ZZEF1: variants seen among roughly 807,000 people sequenced by gnomAD.
The protein encoded by ZZEF1 is zinc finger ZZ-type and EF-hand domain-containing protein 1.
A neutral mutation model predicts 342.8 loss-of-function variants in ZZEF1; 157 were observed. The observed-to-expected ratio is 0.46, with a 90% CI of 0.40 to 0.52. ZZEF1 has a LOEUF of 0.52. Ranked by LOEUF, ZZEF1 falls within the 20% of genes least tolerant of loss-of-function variation. The pLI, the probability that ZZEF1 is intolerant of heterozygous loss-of-function variation, is 0.00. For synonymous variants in ZZEF1, 1,505 were observed against 1,429.1 expected (o/e 1.05, Z -1.20); for missense variants, 3,480 against 3,725.6 (o/e 0.93, Z 1.72).
chr17:4,036,078 CAAA>C (rs34564566), intron 39 of ZZEF1, among the ~76,000 whole-genome samples: 3 of 92,742 alleles, frequency 3.2e-5, no homozygotes, highest in Non-Finnish European at 4.9e-5. Flanking sequence ...ACAGCCTGTC[CAAA>C]AAAAAAAAAA....
In ZZEF1 at chr17:4,117,122, G is replaced by A; in HGVS notation, c.544C>T (p.His182Tyr). 1 of 1,613,986 alleles carries A rather than the reference G, an allele frequency of 6.2e-7. No individual in the cohort carries two copies. The highest frequency in any genetic ancestry group is 1.3e-5 in the African/African-American group (1 of 75,052). The change falls in exon 3 of 55, where the codon CAC (histidine) becomes TAC (tyrosine). Residue 182 changes from histidine to tyrosine, a missense_variant. Physicochemically the swap from His to Tyr is moderately conservative, Grantham distance 83. This residue lies in a region of ZZEF1 where 416 missense variants were observed against 374.2 expected (regional missense o/e 1.11). Coordinates refer to ENST00000381638, the MANE Select transcript of ZZEF1 (RefSeq NM_015113.4). Reference sequence around the variant, plus strand: ...AGGAAGCGCAGTATCATTGACGAGTGAATATCAAGGCCCTCCTTCGACTCT... The same window carrying A: ...AGGAAGCGCAGTATCATTGACGAGTAAATATCAAGGCCCTCCTTCGACTCT... Reference protein sequence around the residue: ...FSESKEGLDIHSSMILRFLHR... With the variant: ...FSESKEGLDIYSSMILRFLHR...
intron 30 of ZZEF1, among the ~76,000 whole-genome samples, chr17:4,061,937 A>C (rs1175024336): frequency 6.6e-6 from 1 of 152,176 alleles, no homozygotes; most frequent in Non-Finnish European, 1.5e-5. Context: ...TATAAATATA[A>C]AACAAAGTGT....
chr17:4,049,171 A>G (rs2056991536), intron 37 of ZZEF1, among the ~76,000 whole-genome samples: 1 of 152,302 alleles, frequency 6.6e-6, no homozygotes, highest in Non-Finnish European at 1.5e-5. Flanking sequence ...ACTCCTCACA[A>G]TAAGCCTATG....
rs977281546 is a variant in ZZEF1, at chr17:4,117,444, G to A, written c.500-278C>T. On this transcript the variant is annotated intron_variant, in intron 2 of 54. Transcript: ENST00000381638. ...ACGGATGACCTGAGGTCAAGAGTTCGATATCAGCCTGGCCAACATGGTGAA... is the reference window on the plus strand; with the variant it reads ...ACGGATGACCTGAGGTCAAGAGTTCAATATCAGCCTGGCCAACATGGTGAA... 2.6e-5 allele frequency among the ~76,000 whole-genome samples: 4 copies of A among 152,160 alleles called. 1 individual carries two copies. The highest frequency in any genetic ancestry group is 6.8e-3 in the Middle Eastern group (2 of 294).
chr17:4,092,088 A>ATAATAAT (rs202163554), intron 11 of ZZEF1, among the ~76,000 whole-genome samples: 1 of 144,950 alleles, frequency 6.9e-6, no homozygotes, highest in Non-Finnish European at 1.5e-5. Context: ...AAAAAAAAAA[A>ATAATAAT]AATAATAAAA....
rs2144959708 is a variant in ZZEF1 at position 4,017,526 on chromosome 17, C to T, written c.7846G>A (p.Val2616Ile). 1 of 1,614,268 alleles carries T rather than the reference C, an allele frequency of 6.2e-7. No individual in the cohort carries two copies. The highest frequency in any genetic ancestry group is 1.6e-4 in the Middle Eastern group (1 of 6,062). Residue 2616 changes from valine (V) to isoleucine (I), a missense_variant, in exon 48 of 55, where the codon GTC becomes ATC. Coordinates refer to ENST00000381638, the MANE Select transcript of ZZEF1 (RefSeq NM_015113.4). The surrounding 1 kb of genome is among the most constrained non-coding windows in gnomAD (Gnocchi z 5.1). ...YLFRVNEATA[V>I]LYARHVLASL... ...GCAAGCACGTGGCGGGCGTACAGGA[C>T]AGCTGTGGCCTCGTTCACTCGGAAG...
Position 4,008,776 on chromosome 17 carries a change from G to A in ZZEF1, c.8805+107C>T, listed in dbSNP as rs1479236150. ...AACAAGCTCTGTGTAAGCTCCGGGT[G>A]GATTCTGTCCTACTCAGACGCAATG... On this transcript the variant is annotated intron_variant, in intron 54 of 54. Coordinates refer to ENST00000381638, the MANE Select transcript of ZZEF1 (RefSeq NM_015113.4). The surrounding 1 kb of genome is among the most constrained non-coding windows in gnomAD (Gnocchi z 4.2). 4 of 1,475,438 alleles carry A rather than the reference G, an allele frequency of 2.7e-6. No individual in the cohort carries two copies. The highest frequency in any genetic ancestry group is 3.6e-6 in the Non-Finnish European group (4 of 1,110,048). The allele number at this position is 1,475,438 out of a possible 1,614,324, so 91.4% of individuals were successfully genotyped here. A position where few individuals can be genotyped will look rare whatever the true frequency, so the allele number is the denominator to read the frequency against.
chr17:4,132,368 G>C (rs574677863), intron 1 of ZZEF1, among the ~76,000 whole-genome samples: 2 of 151,978 alleles, frequency 1.3e-5, no homozygotes, highest in Admixed American at 6.6e-5. Flanking sequence ...ATTTTTCCTA[G>C]AGCTGGGGTT....
intron 18 of ZZEF1, among the ~76,000 whole-genome samples, chr17:4,079,193 C>G (rs972046539): frequency 6.6e-6 from 1 of 152,212 alleles, no homozygotes; most frequent in East Asian, 1.9e-4. Context: ...CAAACAGCCC[C>G]GGTTTCAGTC....
chr17:4,075,571 A>C (rs1363321204), intron 21 of ZZEF1, 142 bp from the exon 22 acceptor site: 6 of 825,748 alleles, frequency 7.3e-6, no homozygotes, highest in Non-Finnish European at 1.1e-5. Context: ...TCGAAGACAA[A>C]CCTGACATTC....
rs572331587 is a variant in ZZEF1 at position 4,045,702 on chromosome 17, C to CA, written c.6016-1329dup. ...TTAACATGGAAGGTGTACATAAAGCCAACCACACATGTCACTTGATCAAAC... is the reference window on the plus strand; with the variant it reads ...TTAACATGGAAGGTGTACATAAAGCCAAACCACACATGTCACTTGATCAAAC... On this transcript the variant is annotated intron_variant, in intron 37 of 54. Transcript: ENST00000381638. 1.4e-3 allele frequency among the ~76,000 whole-genome samples: 209 copies of CA among 152,292 alleles called. 1 individual carries two copies. Among genetic ancestry groups the CA allele is most frequent in the Admixed American group, 3.3e-3 (51 of 15,298 alleles).
chr17:4,072,610 C>G lies in ZZEF1; in HGVS notation c.3832G>C (p.Glu1278Gln). ...AAAGAAAACGGAAGAGTAAATACCT[C>G]CTTACTATTCCGGTGTGGGTGAGTG... Reference protein sequence around the residue: ...WPTHPHRNSKEVKNIPDDPCR... With the variant: ...WPTHPHRNSKQVKNIPDDPCR... The change falls in exon 25 of 55, where the codon GAG becomes CAG. Residue 1278 changes from glutamate to glutamine, a missense_variant and splice_region_variant. By Grantham distance (29) the Glu-to-Gln change is conservative. Transcript: ENST00000381638. 6.2e-7 allele frequency: 1 copy of G among 1,608,562 alleles called. No individual in the cohort carries two copies. Among genetic ancestry groups the G allele is most frequent in the Non-Finnish European group, 8.5e-7 (1 of 1,177,640 alleles).
chr17:4,118,227 G>T (rs148760496), intron 2 of ZZEF1, among the ~76,000 whole-genome samples: 34 of 152,270 alleles, frequency 2.2e-4, no homozygotes, highest in African/African-American at 7.5e-4. Flanking sequence ...TTCGATGATG[G>T]AATGCTGCTG....
rs1174695219 is a variant in ZZEF1 at position 4,078,014 on chromosome 17, G to A, written c.2858C>T (p.Pro953Leu). ...GAAGAGCACAGAGCCCACCTCCCCT[G>A]GGGCCCCACTGAGCATTAACAGCTC... The part of the protein sequence containing the change: ...ECELLMLSGA[P>L]GEVGSVLFSL... Residue 953 changes from proline (P) to leucine (L), a missense_variant, in exon 19 of 55, where the codon CCA becomes CTA. By Grantham distance (98) the Pro-to-Leu change is moderately conservative (BLOSUM62 -3). This residue lies in a region of ZZEF1 where 1,528 missense variants were observed against 1,624.1 expected (regional missense o/e 0.94). Coordinates refer to ENST00000381638, the MANE Select transcript of ZZEF1 (RefSeq NM_015113.4). The A allele has an allele frequency of 6.2e-7, 1 of 1,613,882 alleles. No homozygotes were observed. The highest frequency in any genetic ancestry group is 2.2e-5 in the East Asian group (1 of 44,878).
In ZZEF1 at chr17:4,009,764, G is replaced by A; in HGVS notation, c.8580-7C>T. On this transcript the variant is annotated splice_polypyrimidine_tract_variant and splice_region_variant and intron_variant, in intron 52 of 54. Coordinates refer to ENST00000381638, the MANE Select transcript of ZZEF1 (RefSeq NM_015113.4). The stretch of plus-strand genomic sequence containing the variant: ...CGCAAGGTCACACAGGTCACTGCAG[G>A]AGGAGCCCCGGAGGTGGTCAGTTTA... 6.2e-7 allele frequency: 1 copy of A among 1,613,408 alleles called. No individual in the cohort carries two copies. Among genetic ancestry groups the A allele is most frequent in the Non-Finnish European group, 8.5e-7 (1 of 1,179,602 alleles).
intron 2 of ZZEF1, among the ~76,000 whole-genome samples, 192 bp downstream of exon 2, chr17:4,123,715 C>T (rs1398501703): frequency 3.3e-5 from 5 of 152,012 alleles, no homozygotes; most frequent in South Asian, 4.2e-4. Flanking sequence ...TGTTATAAAA[C>T]GGTAGAACTG....
rs757464116 is a variant in ZZEF1, at chr17:4,017,427, T to C, written c.7945A>G (p.Met2649Val). ...DILELSGPAHMTYILDMFMQL... is the reference protein window; with the variant it reads ...DILELSGPAHVTYILDMFMQL... ...ATGAACATATCCAAAATGTAGGTCA[T>C]ATGGGCAGGGCCACTGAGCTCCAGG... Residue 2649 changes from methionine to valine, a missense_variant, in exon 48 of 55, where the codon ATG (methionine) becomes GTG (valine). Physicochemically the swap from Met to Val is conservative, Grantham distance 21 (BLOSUM62 1). Transcript: ENST00000381638. This position sits in a 1 kb window ranked among gnomAD's most constrained non-coding sequence, Gnocchi z 5.1. The C allele has an allele frequency of 1.6e-5, 25 of 1,612,496 alleles. No individual in the cohort carries two copies. The highest frequency in any genetic ancestry group is 2.0e-5 in the Non-Finnish European group (23 of 1,178,686).
At chr17:4,059,506 G>A (rs1006911592) in intron 30 of ZZEF1, among the ~76,000 whole-genome samples, 3 of 152,100 alleles carry the variant, frequency 2.0e-5, no homozygotes, top group Admixed American at 2.0e-4. Context: ...CCAGAAGCAT[G>A]GAGATGAGAT....
At position 4,109,726 on chromosome 17, in the gene ZZEF1, G is replaced by A; in HGVS notation, c.1204C>T (p.Leu402=). ...GAAGCCGTCACCAGAGATGTCAGCA[G>A]AGACCAATACCATATTGCAGAAGCA... ...SDASAIWYWS[L]LTSLVTASME... is the part of the protein sequence containing the mutation. The change falls in exon 6 of 55, where the codon CTG becomes TTG. Residue 402 remains leucine (L), a synonymous_variant. Transcript: ENST00000381638. 1.2e-6 allele frequency: 2 copies of A among 1,614,200 alleles called. No homozygotes were observed. The highest frequency in any genetic ancestry group is 1.7e-6 in the Non-Finnish European group (2 of 1,180,034).
Sources: gnomAD v4.1 joint callset for allele counts (sites outside exome capture counted in the v4.1 genomes callset) on GRCh38, gnomAD v4.1.1 for gene constraint, gnomAD v4.1.1 regional missense constraint, Gnocchi (gnomAD v3.1) non-coding constraint, MANE v1.5 for transcripts, NCBI Gene and HGNC (gene_info 2026-07-23, HGNC 2026-07-21) for gene names.